The following DENND11 variants were observed in gnomAD, a reference collection of about 807,000 sequenced individuals.
DENND11 encodes the protein DENN domain containing 11, also known as DENN domain-containing protein 11.
Under a neutral mutation model 49.2 loss-of-function variants are expected in DENND11, and 34 were observed. The ratio of observed to expected loss-of-function variants is 0.69; its 90% CI spans 0.53 to 0.92. The LOEUF (loss-of-function observed/expected upper bound fraction) is 0.92. Ranked by LOEUF, DENND11 falls within the 40% of genes least tolerant of loss-of-function variation. The pLI, the probability that DENND11 is intolerant of heterozygous loss-of-function variation, is 0.00. For missense variants in DENND11, 475 were observed against 581.6 expected (o/e 0.82, Z 1.88); for synonymous variants, 238 against 230.3 (o/e 1.03, Z -0.30).
Position 141,667,081 on chromosome 7 carries a change from C to T in DENND11, c.682-656G>A, listed in dbSNP as rs1420922934. ...AATTACAGGCATGCACCACCATGCC[C>T]GGCTAATTTTTGTATTTTTAGTACA... is the stretch of plus-strand genomic sequence containing the variant. On this transcript the variant is annotated intron_variant, in intron 4 of 8. Coordinates refer to ENST00000536163, the MANE Select transcript of DENND11 (RefSeq NM_001080392.2). Among the ~76,000 whole-genome samples the T allele has an allele frequency of 4.6e-5, 7 of 152,220 alleles. No homozygotes were observed. The East Asian group carries it at 5.8e-4, about 13-fold the overall frequency.
At chr7:141,677,515 A>G (rs1798081816) in intron 3 of DENND11, among the ~76,000 whole-genome samples, 1 of 129,462 alleles carries the variant, frequency 7.7e-6, no homozygotes, top group Non-Finnish European at 1.6e-5. Context: ...ATATATATAT[A>G]TATATGTATA....
intron 3 of DENND11, among the ~76,000 whole-genome samples, chr7:141,681,364 G>T (rs183968227): frequency 8.9e-4 from 136 of 152,296 alleles, no homozygotes; most frequent in East Asian, 7.7e-4. Flanking sequence ...AACAATTTGG[G>T]ACCCCACAGG....
intron 3 of DENND11, among the ~76,000 whole-genome samples, chr7:141,676,964 T>C (rs1377233407): frequency 6.6e-6 from 1 of 152,188 alleles, no homozygotes; most frequent in Non-Finnish European, 1.5e-5. Context: ...GGATTCTCCT[T>C]AAGCCCACAG....
In DENND11 at chr7:141,661,973, G is replaced by GCCAC. The variant is rs753527932; in HGVS notation, c.*679_*682dup. The GCCAC allele has an allele frequency of 2.6e-5, 4 of 152,202 alleles. No homozygotes were observed. The highest frequency in any genetic ancestry group is 5.9e-5 in the Non-Finnish European group (4 of 68,046). The allele number at this position is 152,202 out of a possible 1,614,324, so 9.4% of individuals were successfully genotyped here. A position where few individuals can be genotyped will look rare whatever the true frequency, so the allele number is the denominator to read the frequency against. On this transcript the variant is annotated 3_prime_UTR_variant, in exon 9 of 9. Coordinates refer to ENST00000536163, the MANE Select transcript of DENND11 (RefSeq NM_001080392.2). The stretch of plus-strand genomic sequence containing the variant: ...ACAAAGAGGAACATTACATTGCATG[G>GCCAC]CCACCATCAAGTTACTTTGAGGAAG...
In DENND11 at chr7:141,701,878, G is replaced by A. The variant is rs1798526335; in HGVS notation, c.268+8C>T. On this transcript the variant is annotated splice_region_variant and intron_variant, in intron 1 of 8. Coordinates refer to ENST00000536163, the MANE Select transcript of DENND11 (RefSeq NM_001080392.2). ...TCCCCACGCGCCTGGCCCCGGCGCG[G>A]CCCTCACCCGAGCGGGGGTCGAAGG... The A allele has an allele frequency of 3.3e-6, 4 of 1,196,752 alleles. No individual in the cohort carries two copies. Among genetic ancestry groups the A allele is most frequent in the South Asian group, 7.9e-5 (2 of 25,284 alleles). The allele number at this position is 1,196,752 out of a possible 1,614,324, so 74.1% of individuals were successfully genotyped here. A position where few individuals can be genotyped will look rare whatever the true frequency, so the allele number is the denominator to read the frequency against.
chr7:141,688,255 G>C (rs1217458230), intron 1 of DENND11, among the ~76,000 whole-genome samples: 1 of 152,176 alleles, frequency 6.6e-6, no homozygotes, highest in Non-Finnish European at 1.5e-5. Context: ...TTTCATTTCA[G>C]AACAAACTTC....
chr7:141,672,323 T>C (rs970847801), intron 4 of DENND11, among the ~76,000 whole-genome samples: 4 of 152,222 alleles, frequency 2.6e-5, no homozygotes, highest in South Asian at 2.1e-4. Flanking sequence ...GTAATTTGCT[T>C]CTAAGAAAAT....
chr7:141,700,493 A>G (rs1798493594), intron 1 of DENND11, among the ~76,000 whole-genome samples: 1 of 149,000 alleles, frequency 6.7e-6, no homozygotes, highest in South Asian at 2.1e-4. Context: ...AAAAAAAAAG[A>G]GAGAGAAAAA....
intron 3 of DENND11, among the ~76,000 whole-genome samples, chr7:141,680,937 A>C (rs1479008204): frequency 1.3e-5 from 2 of 152,096 alleles, no homozygotes; most frequent in Non-Finnish European, 2.9e-5. Flanking sequence ...TCTCTTCTTC[A>C]TTATAGCAAC....
chr7:141,697,437 G>A (rs1798433105), intron 1 of DENND11, among the ~76,000 whole-genome samples: 1 of 152,196 alleles, frequency 6.6e-6, no homozygotes, highest in African/African-American at 2.4e-5. Context: ...GTATTCCACT[G>A]GCATTAGGTG....
At chr7:141,668,197 T>C (rs12665928) in intron 4 of DENND11, among the ~76,000 whole-genome samples, 17,195 of 152,100 alleles carry the variant, frequency 0.11, 1,376 homozygotes, top group East Asian at 0.35. Context: ...GGGAGAAGAA[T>C]GGGGCATGGT....
chr7:141,668,104 G>C (rs1797922960), intron 4 of DENND11, among the ~76,000 whole-genome samples: 1 of 152,196 alleles, frequency 6.6e-6, no homozygotes, highest in Non-Finnish European at 1.5e-5. Flanking sequence ...CCACCACACA[G>C]AGGCCAGGTG....
chr7:141,699,050 A>T (rs1798462271), intron 1 of DENND11, among the ~76,000 whole-genome samples: 1 of 152,240 alleles, frequency 6.6e-6, no homozygotes, highest in Non-Finnish European at 1.5e-5. Context: ...CAGGCAGGCC[A>T]GCGAGAGAAA....
intron 1 of DENND11, among the ~76,000 whole-genome samples, chr7:141,700,597 G>A (rs1463161478): frequency 6.6e-6 from 1 of 151,932 alleles, no homozygotes; most frequent in Non-Finnish European, 1.5e-5. Context: ...CATATTGGTT[G>A]TGATGTAAAA....
intron 1 of DENND11, among the ~76,000 whole-genome samples, chr7:141,694,924 C>G (rs1467324680): frequency 2.0e-5 from 3 of 152,190 alleles, no homozygotes; most frequent in Admixed American, 2.0e-4. Flanking sequence ...AGACAGCCCC[C>G]CTCCCACCAC....
intron 4 of DENND11, among the ~76,000 whole-genome samples, chr7:141,672,931 T>A (rs549635444): frequency 6.6e-6 from 1 of 152,338 alleles, no homozygotes; most frequent in African/African-American, 2.4e-5. Context: ...CTTATTAGGA[T>A]TCAAGCTCCA....
In DENND11 at chr7:141,702,138, C is replaced by G; in HGVS notation, c.16G>C (p.Asp6His). The G allele has an allele frequency of 1.0e-6, 1 of 983,126 alleles. No homozygotes were observed. The highest frequency in any genetic ancestry group is 1.2e-6 in the Non-Finnish European group (1 of 829,942). The allele number at this position is 983,126 out of a possible 1,614,324, so 60.9% of individuals were successfully genotyped here. A position where few individuals can be genotyped will look rare whatever the true frequency, so the allele number is the denominator to read the frequency against. ...GCCCAGCGCAGCAGCGGCGCCGCGT[C>G]TCCCTGCTCCACCATGGCTAGGCGA... MVEQGDAAPLLRWAEG... is the reference protein window; with the variant it reads MVEQGHAAPLLRWAEG... Residue 6 changes from aspartate to histidine, a missense_variant, in exon 1 of 9, where the codon GAC becomes CAC. By Grantham distance (81) the Asp-to-His change is moderately conservative (BLOSUM62 -1). Coordinates refer to ENST00000536163, the MANE Select transcript of DENND11 (RefSeq NM_001080392.2).
chr7:141,663,152 G>A (rs938953623), intron 8 of DENND11: 3 of 285,606 alleles, frequency 1.1e-5, no homozygotes, highest in Non-Finnish European at 1.9e-5. Flanking sequence ...AGCCTGAGAA[G>A]AGGCCCCCAA....
chr7:141,689,012 C>A (rs1399455134), intron 1 of DENND11, among the ~76,000 whole-genome samples: 1 of 152,234 alleles, frequency 6.6e-6, no homozygotes, highest in South Asian at 2.1e-4. Flanking sequence ...TGTTTACCCA[C>A]ACGCCACACA....
Sources: gnomAD v4.1 joint callset for allele counts (sites outside exome capture counted in the v4.1 genomes callset) on GRCh38, gnomAD v4.1.1 for gene constraint, MANE v1.5 for transcripts, NCBI Gene and HGNC (gene_info 2026-07-23, HGNC 2026-07-21) for gene names.